DNAJB6: variants seen among roughly 807,000 people sequenced by gnomAD.
DNAJB6 encodes dnaJ homolog subfamily B member 6.
A neutral mutation model predicts 42.7 loss-of-function variants in DNAJB6; 16 were observed. The observed-to-expected ratio is 0.37, with a 90% CI of 0.25 to 0.57. The LOEUF is 0.57. Ranked by LOEUF, DNAJB6 falls within the 20% of genes least tolerant of loss-of-function variation. The pLI is 0.74. For synonymous variants in DNAJB6, 170 were observed against 163.5 expected (o/e 1.04, Z -0.30); for missense variants, 347 against 416.8 (o/e 0.83, Z 1.46).
intron 5 of DNAJB6, chr7:157,370,625 C>G (rs1800161787): frequency 1.3e-5 from 2 of 152,468 alleles, no homozygotes; most frequent in African/African-American, 4.8e-5. Flanking sequence ...ACCCCTAGTC[C>G]AAGGAGAGAG....
intron 5 of DNAJB6, among the ~76,000 whole-genome samples, chr7:157,377,246 A>G (rs1331397218): frequency 6.6e-6 from 1 of 152,154 alleles, no homozygotes; most frequent in Non-Finnish European, 1.5e-5. Flanking sequence ...TTCCCCCACA[A>G]AGGATGGCTT....
chr7:157,388,492 C>T (rs1225756252), intron 8 of DNAJB6, among the ~76,000 whole-genome samples: 3 of 152,232 alleles, frequency 2.0e-5, no homozygotes, highest in East Asian at 1.9e-4. Flanking sequence ...CGGCACGTAT[C>T]TGGTTGTGCA....
chr7:157,355,913 A>G (rs565415319), intron 1 of DNAJB6, among the ~76,000 whole-genome samples: 2 of 152,304 alleles, frequency 1.3e-5, no homozygotes, highest in Admixed American at 1.3e-4. Flanking sequence ...CCAGCTGGCC[A>G]CGCGGCCCTC....
chr7:157,374,100 GT>G (rs1800352672), intron 5 of DNAJB6, among the ~76,000 whole-genome samples: 1 of 151,330 alleles, frequency 6.6e-6, no homozygotes, highest in Non-Finnish European at 1.5e-5. Flanking sequence ...CCATCCTTGT[GT>G]GTAATTTCAC....
At chr7:157,343,178 T>A (rs1269891001) in intron 1 of DNAJB6, among the ~76,000 whole-genome samples, 3 of 138,248 alleles carry the variant, frequency 2.2e-5, no homozygotes, top group South Asian at 2.3e-4. Context: ...TTTTTTTTTT[T>A]AAGACAGAGT....
intron 9 of DNAJB6, chr7:157,410,274 G>T: frequency 3.1e-6 from 2 of 655,430 alleles, no homozygotes; most frequent in East Asian, 6.7e-5. Flanking sequence ...GAGCTGCCAC[G>T]GCAGTGCGAG....
At chr7:157,395,843 A>G (rs1801559084) in intron 8 of DNAJB6, among the ~76,000 whole-genome samples, 2 of 150,848 alleles carry the variant, frequency 1.3e-5, no homozygotes, top group Admixed American at 1.3e-4. Context: ...TTCAGTAGAG[A>G]CAGAGTTTCA....
chr7:157,374,210 G>A (rs1292554814), intron 5 of DNAJB6, among the ~76,000 whole-genome samples: 1 of 152,126 alleles, frequency 6.6e-6, no homozygotes, highest in Non-Finnish European at 1.5e-5. Context: ...CTCATGTATG[G>A]TTGTGTGCGT....
intron 1 of DNAJB6, among the ~76,000 whole-genome samples, chr7:157,352,136 C>T (rs183779723): frequency 0.018 from 2,694 of 152,168 alleles, 32 homozygotes; most frequent in Non-Finnish European, 0.029. Flanking sequence ...TCGAGACCAT[C>T]CTGGCCAACA....
intron 5 of DNAJB6, chr7:157,369,555 T>C (rs553893154): frequency 2.9e-6 from 1 of 350,096 alleles, no homozygotes; most frequent in African/African-American, 2.2e-5. Flanking sequence ...AAACAGGGCT[T>C]TCTTACCATT....
intron 5 of DNAJB6, chr7:157,370,619 CT>C (rs960221692): frequency 2.6e-5 from 4 of 152,464 alleles, no homozygotes; most frequent in African/African-American, 9.7e-5. Flanking sequence ...GTTTTTACCC[CT>C]AGTCCAAGGA....
At chr7:157,369,512 C>G (rs1038450475) in intron 5 of DNAJB6, 2 of 421,648 alleles carry the variant, frequency 4.7e-6, no homozygotes, top group African/African-American at 4.1e-5. Flanking sequence ...TGAGACCGGG[C>G]GTCTTCAACA....
chr7:157,357,845 T>C (rs764842904), intron 1 of DNAJB6, among the ~76,000 whole-genome samples: 12 of 152,200 alleles, frequency 7.9e-5, no homozygotes, highest in Admixed American at 6.5e-5. Flanking sequence ...ACTTAGAGAA[T>C]GAATCTCTGC....
chr7:157,403,206 CAT>C (rs1404945794), intron 8 of DNAJB6, among the ~76,000 whole-genome samples: 1 of 152,078 alleles, frequency 6.6e-6, no homozygotes, highest in Non-Finnish European at 1.5e-5. Context: ...ACACAATCCA[CAT>C]ATGAGAGGGG....
intron 8 of DNAJB6, among the ~76,000 whole-genome samples, chr7:157,403,788 G>C (rs945589304): frequency 6.6e-6 from 1 of 152,240 alleles, no homozygotes; most frequent in Non-Finnish European, 1.5e-5. Flanking sequence ...CAAAGAGAGC[G>C]GTTATACTTG....
intron 1 of DNAJB6, among the ~76,000 whole-genome samples, chr7:157,343,364 TG>T (rs1798517574): frequency 6.6e-6 from 1 of 152,160 alleles, no homozygotes; most frequent in Admixed American, 6.6e-5. Flanking sequence ...TTTGCCATGT[TG>T]GCCGGGCTGG....
At chr7:157,351,610 G>A (rs1055925065) in intron 1 of DNAJB6, among the ~76,000 whole-genome samples, 2 of 151,140 alleles carry the variant, frequency 1.3e-5, no homozygotes, top group Non-Finnish European at 2.9e-5. Context: ...TCCAGCCTGG[G>A]TGACATAGTG....
At chr7:157,395,376 T>C (rs17665453) in intron 8 of DNAJB6, among the ~76,000 whole-genome samples, 2,932 of 152,366 alleles carry the variant, frequency 0.019, 54 homozygotes, top group Non-Finnish European at 0.033. Flanking sequence ...GTCTGTCTTT[T>C]AAAGAGAATT....
intron 1 of DNAJB6, among the ~76,000 whole-genome samples, chr7:157,343,533 A>G (rs1272534339): frequency 6.6e-6 from 1 of 151,602 alleles, no homozygotes; most frequent in Non-Finnish European, 1.5e-5. Flanking sequence ...CTGTGGTGTG[A>G]TCTCAGCTCA....
Sources: allele counts gnomAD v4.1 joint callset (sites outside exome capture counted in the v4.1 genomes callset), GRCh38; gene constraint gnomAD v4.1.1; transcripts MANE v1.5; gene names NCBI Gene and HGNC (gene_info 2026-07-23, HGNC 2026-07-21).